Variants in UNC5C observed in about 807,000 individuals in gnomAD.
UNC5C encodes the protein unc-5 netrin receptor C, also known as netrin receptor UNC5C.
UNC5C carries 47 observed loss-of-function variants against 99.8 expected under a neutral mutation model. The observed-to-expected ratio is 0.47, with a 90% CI of 0.37 to 0.60. The LOEUF is 0.60. UNC5C is among the 20% of genes least tolerant of loss of function. UNC5C has a pLI of 0.00. For synonymous variants in UNC5C, 487 were observed against 452.2 expected, an observed-to-expected ratio of 1.08 and a Z score of -0.98; for missense variants, 1,062 against 1,165.9, an observed-to-expected ratio of 0.91 and a Z score of 1.30.
intron 1 of UNC5C, among the ~76,000 whole-genome samples, chr4:95,500,743 A>G (rs1721756366): frequency 6.6e-6 from 1 of 152,178 alleles, no homozygotes; most frequent in African/African-American, 2.4e-5. Flanking sequence ...GCAGCCAGGC[A>G]GAAAGCTCTG....
At chr4:95,231,105 A>G (rs1170300588) in intron 7 of UNC5C, among the ~76,000 whole-genome samples, 1 of 152,142 alleles carries the variant, frequency 6.6e-6, no homozygotes, top group East Asian at 1.9e-4. Context: ...ACCATATAAG[A>G]TATGGTACTT....
intron 2 of UNC5C, among the ~76,000 whole-genome samples, chr4:95,333,749 T>G (rs1579333737): frequency 6.6e-6 from 1 of 152,034 alleles, no homozygotes; most frequent in East Asian, 1.9e-4. Flanking sequence ...TTTGTTTCTA[T>G]TTATAATCTT....
rs576376164 is a variant in UNC5C at position 95,504,707 on chromosome 4, C to A, written c.124+44027G>T. ...AATGCTGACACATTATAACAAGGCA[C>A]GAAAAATTAACCTTTGTGCCAAAAT... On this transcript the variant is annotated intron_variant, in intron 1 of 15. Transcript: ENST00000453304. Among the ~76,000 whole-genome samples the A allele has an allele frequency of 6.6e-5, 10 of 152,088 alleles. No individual in the cohort carries two copies. In the South Asian group the frequency reaches 1.7e-3, roughly 25 times the overall value.
At chr4:95,473,036 A>T (rs1458308600) in intron 1 of UNC5C, among the ~76,000 whole-genome samples, 1 of 152,148 alleles carries the variant, frequency 6.6e-6, no homozygotes, top group Admixed American at 6.6e-5. Flanking sequence ...TTACTCAAAT[A>T]TCTTATACCT....
At chr4:95,365,209 T>A (rs976289028) in intron 1 of UNC5C, among the ~76,000 whole-genome samples, 2 of 148,240 alleles carry the variant, frequency 1.3e-5, no homozygotes, top group Non-Finnish European at 3.0e-5. Flanking sequence ...GGCAAGAGAA[T>A]CTCTTGAACC....
intron 1 of UNC5C, among the ~76,000 whole-genome samples, chr4:95,465,398 G>A (rs1453905737): frequency 6.6e-6 from 1 of 152,114 alleles, no homozygotes. Flanking sequence ...ATGTTGTAAG[G>A]GGAGGTTAGA....
At chr4:95,424,861 G>A (rs1746433083) in intron 1 of UNC5C, among the ~76,000 whole-genome samples, 1 of 151,926 alleles carries the variant, frequency 6.6e-6, no homozygotes, top group Admixed American at 6.6e-5. Flanking sequence ...GCACAGGGAA[G>A]TCTAGAAACA....
intron 2 of UNC5C, among the ~76,000 whole-genome samples, chr4:95,306,460 G>T (rs574573345): frequency 9.9e-5 from 15 of 152,016 alleles, no homozygotes; most frequent in South Asian, 2.1e-4. Context: ...CCTCGGCCTC[G>T]CAAAGTGATG....
intron 1 of UNC5C, among the ~76,000 whole-genome samples, chr4:95,425,726 T>G (rs535317878): frequency 7.3e-4 from 111 of 152,342 alleles, no homozygotes; most frequent in African/African-American, 2.6e-3. Context: ...CCAAAGAAAT[T>G]GATTAAAAAT....
intron 3 of UNC5C, among the ~76,000 whole-genome samples, chr4:95,289,317 C>T (rs945061839): frequency 6.6e-6 from 1 of 152,128 alleles, no homozygotes; most frequent in East Asian, 1.9e-4. Flanking sequence ...CAGAAATAAG[C>T]TTCTTGCTTC....
rs1039034328 is a variant in UNC5C, at chr4:95,473,103, T to C, written c.124+75631A>G. On this transcript the variant is annotated intron_variant, in intron 1 of 15. Transcript: ENST00000453304. Reference sequence around the variant, plus strand: ...AACTCCTAATGTGTTCCTCAAAATCTAACCTCATGATACACTCACCCAAGG... The same window carrying C: ...AACTCCTAATGTGTTCCTCAAAATCCAACCTCATGATACACTCACCCAAGG... Among the ~76,000 whole-genome samples, 3 of 152,140 alleles carry C rather than the reference T, an allele frequency of 2.0e-5. No individual in the cohort carries two copies. The South Asian group carries it at 6.2e-4, about 32-fold the overall frequency.
At chr4:95,291,802 A>T (rs1005408921) in intron 3 of UNC5C, among the ~76,000 whole-genome samples, 2 of 152,160 alleles carry the variant, frequency 1.3e-5, no homozygotes, top group African/African-American at 4.8e-5. Flanking sequence ...AAATGTCTAA[A>T]GTATATATTT....
intron 1 of UNC5C, among the ~76,000 whole-genome samples, chr4:95,345,169 T>A (rs140075279): frequency 6.6e-4 from 100 of 151,988 alleles, no homozygotes; most frequent in African/African-American, 2.4e-3. Flanking sequence ...GATAAAGATA[T>A]TCCATGCAAA....
At chr4:95,393,357 G>A (rs1745414710) in intron 1 of UNC5C, among the ~76,000 whole-genome samples, 1 of 152,160 alleles carries the variant, frequency 6.6e-6, no homozygotes, top group African/African-American at 2.4e-5. Context: ...AGTCATACTA[G>A]TTGATGGTGG....
chr4:95,192,582 CCTCACCTTCTCACCTCCTTCCCTG>C (rs1376130662), intron 12 of UNC5C, among the ~76,000 whole-genome samples: 1 of 147,408 alleles, frequency 6.8e-6, no homozygotes, highest in South Asian at 2.3e-4. Flanking sequence ...CTGCTCACCT[CCTCACCTTCTCACCTCCTTCCCTG>C]CTCACCTTCT....
intron 1 of UNC5C, among the ~76,000 whole-genome samples, chr4:95,345,327 C>T (rs921833397): frequency 7.2e-5 from 11 of 151,948 alleles, no homozygotes; most frequent in Middle Eastern, 3.4e-3. Context: ...ATATATTCAT[C>T]CAACACTGGA....
intron 1 of UNC5C, among the ~76,000 whole-genome samples, chr4:95,534,994 A>G (rs1260361048): frequency 1.3e-5 from 2 of 152,158 alleles, no homozygotes; most frequent in Non-Finnish European, 2.9e-5. Flanking sequence ...TTTGCTAACT[A>G]TTCTTCCTGC....
At chr4:95,493,368 T>C (rs543708821) in intron 1 of UNC5C, among the ~76,000 whole-genome samples, 162 of 151,558 alleles carry the variant, frequency 1.1e-3, no homozygotes, top group African/African-American at 3.6e-3. Context: ...GCGGAATTCA[T>C]GGTTGGAAAG....
chr4:95,169,261 C>T lies in UNC5C; in HGVS notation c.2769G>A (p.Val923=). Residue 923 remains valine, a synonymous_variant, in exon 16 of 16, where the codon GTG becomes GTA. Coordinates refer to ENST00000453304, the MANE Select transcript of UNC5C (RefSeq NM_003728.4). Reference sequence around the variant, plus strand: ...AATACTGCCCTTCTGCTGCTAAGGACACCACCGTTTCATGTCTTCCCATTT... The same window carrying T: ...AATACTGCCCTTCTGCTGCTAAGGATACCACCGTTTCATGTCTTCCCATTT... The part of the protein sequence containing the change: ...LEEMGRHETV[V]SLAAEGQY 2 of 1,614,150 alleles carry T rather than the reference C, an allele frequency of 1.2e-6. No individual in the cohort carries two copies. The highest frequency in any genetic ancestry group is 1.3e-5 in the African/African-American group (1 of 75,046).
Sources: gnomAD v4.1 joint callset for allele counts (sites outside exome capture counted in the v4.1 genomes callset) on GRCh38, gnomAD v4.1.1 for gene constraint, MANE v1.5 for transcripts, NCBI Gene and HGNC (gene_info 2026-07-23, HGNC 2026-07-21) for gene names.